The following PSD3 variants were observed in gnomAD, a reference collection of about 807,000 sequenced individuals.
PSD3 encodes PH and SEC7 domain-containing protein 3.
PSD3 carries 49 observed loss-of-function variants against 105.5 expected under a neutral mutation model. The observed-to-expected ratio is 0.46, with a 90% CI of 0.37 to 0.59. PSD3 has a LOEUF of 0.59. Ranked by LOEUF, PSD3 falls within the 20% of genes least tolerant of loss-of-function variation. The pLI is 0.00. For synonymous variants in PSD3, 557 were observed against 457.8 expected (o/e 1.22, Z -2.77); for missense variants, 1,561 against 1,263.8 (o/e 1.24, Z -3.57).
At chr8:18,781,647 C>G (rs1808634646) in intron 8 of PSD3, among the ~76,000 whole-genome samples, 1 of 152,102 alleles carries the variant, frequency 6.6e-6, no homozygotes. Context: ...TTTTCTTGGA[C>G]TTTTAACAGT....
At chr8:18,811,827 C>G (rs1427971641) in intron 4 of PSD3, among the ~76,000 whole-genome samples, 3 of 152,032 alleles carry the variant, frequency 2.0e-5, no homozygotes, top group Admixed American at 2.0e-4. Flanking sequence ...CACATTTTCT[C>G]GACTCAGAGT....
intron 9 of PSD3, chr8:18,730,041 A>G (rs1053006089): frequency 1.3e-5 from 2 of 152,234 alleles, no homozygotes; most frequent in South Asian, 4.1e-4. Context: ...TGAAACAGGA[A>G]TATCATACGG....
At chr8:18,565,955 T>C (rs1486777218) in intron 14 of PSD3, among the ~76,000 whole-genome samples, 1 of 152,058 alleles carries the variant, frequency 6.6e-6, no homozygotes. Flanking sequence ...CGACAAAGAA[T>C]TATCCACACC....
rs62495836 is a variant in PSD3, at chr8:18,725,221, A to G, written c.2172+40228T>C. On this transcript the variant is annotated intron_variant, in intron 9 of 15. Coordinates refer to ENST00000327040, the MANE Select transcript of PSD3 (RefSeq NM_015310.4). ...GGTCTAACGCGACGCAAGCCCCCCA[A>G]GAACTCTTTTATTTTTTAGGAAACT... 4.1e-3 allele frequency among the ~76,000 whole-genome samples: 629 copies of G among 152,290 alleles called. 1 individual carries two copies. The highest frequency in any genetic ancestry group is 7.0e-3 in the Non-Finnish European group (477 of 68,024).
chr8:18,673,978 C>CA (rs1035344807), intron 9 of PSD3, among the ~76,000 whole-genome samples: 5 of 151,940 alleles, frequency 3.3e-5, no homozygotes, highest in African/African-American at 1.2e-4. Context: ...CCTATCTCTA[C>CA]AAAAAAATTA....
Position 19,056,117 on chromosome 8 carries a change from T to A in PSD3, c.324+28089A>T, listed in dbSNP as rs1286929151. ...GACTTTTAATCTCATTGAAATGCGATCACTTGCAGTAACGTCTTCGTGGGA... is the reference window on the plus strand; with the variant it reads ...GACTTTTAATCTCATTGAAATGCGAACACTTGCAGTAACGTCTTCGTGGGA... On this transcript the variant is annotated intron_variant, in intron 1 of 1. Transcript: ENST00000521475. Among the ~76,000 whole-genome samples the A allele has an allele frequency of 2.6e-5, 4 of 152,360 alleles. No individual in the cohort carries two copies. In the East Asian group the frequency reaches 5.8e-4, roughly 22 times the overall value.
chr8:19,022,305 TG>T (rs541015049), intron 1 of PSD3, among the ~76,000 whole-genome samples: 144 of 152,304 alleles, frequency 9.5e-4, no homozygotes, highest in African/African-American at 3.3e-3. Flanking sequence ...CCATATTAAG[TG>T]GGGTCCTCTA....
chr8:18,692,325 CCAATA>C (rs1801015222), intron 9 of PSD3, among the ~76,000 whole-genome samples: 1 of 152,064 alleles, frequency 6.6e-6, no homozygotes. Context: ...AGTAACTGTG[CCAATA>C]CAATGGAAGA....
chr8:19,084,228 G>A (rs1018068723), exon 1 of PSD3: 11 of 442,872 alleles, frequency 2.5e-5, no homozygotes, highest in Admixed American at 9.6e-5. Flanking sequence ...AGTGGCAGGC[G>A]GGGCTGGGCA....
intron 9 of PSD3, among the ~76,000 whole-genome samples, chr8:18,709,130 T>C (rs537293765): frequency 1.3e-5 from 2 of 152,182 alleles, no homozygotes; most frequent in African/African-American, 2.4e-5. Flanking sequence ...GTGGCTGCCA[T>C]CACTGTGGCT....
intron 3 of PSD3, among the ~76,000 whole-genome samples, chr8:18,868,593 G>C (rs1174505501): frequency 2.0e-5 from 3 of 152,134 alleles, no homozygotes; most frequent in Non-Finnish European, 2.9e-5. Context: ...CAGCACTGCA[G>C]AGAGATTTCA....
intron 1 of PSD3, among the ~76,000 whole-genome samples, chr8:18,970,994 A>C (rs1338591965): frequency 6.6e-6 from 1 of 151,726 alleles, no homozygotes; most frequent in Non-Finnish European, 1.5e-5. Context: ...AAAAAAAAAA[A>C]GACAAAAAAT....
rs1816803528 is a variant in PSD3, at chr8:18,865,264, ATATATATATATATATATATATATTTTTTT to A, written c.1634+2381_1634+2409del. The A allele has an allele frequency of 1.2e-3, 4 of 3,434 alleles. No homozygotes were observed. The South Asian group carries it at 0.041, about 35-fold the overall frequency. The allele number at this position is 3,434 out of a possible 1,614,324, so 0.2% of individuals were successfully genotyped here. A position where few individuals can be genotyped will look rare whatever the true frequency, so the allele number is the denominator to read the frequency against. On this transcript the variant is annotated intron_variant, in intron 4 of 15. Transcript: ENST00000327040. ...TATATATATATATATATATATATAT[ATATATATATATATATATATATATTTTTTT>A]TTTTTTTTTTTTTTTTAAAGGCTAT...
chr8:18,654,139 CAT>C (rs765249435), intron 10 of PSD3, among the ~76,000 whole-genome samples: 7 of 150,754 alleles, frequency 4.6e-5, no homozygotes, highest in South Asian at 2.1e-4. Context: ...ACACATAAGC[CAT>C]ATATATATAT....
At chr8:18,925,007 A>G (rs928265315) in intron 2 of PSD3, among the ~76,000 whole-genome samples, 1 of 152,232 alleles carries the variant, frequency 6.6e-6, no homozygotes, top group African/African-American at 2.4e-5. Flanking sequence ...CTTTTGTACT[A>G]TAAATGATGA....
chr8:18,798,000 C>G (rs1250003340), intron 8 of PSD3, among the ~76,000 whole-genome samples: 1 of 152,110 alleles, frequency 6.6e-6, no homozygotes, highest in Admixed American at 6.6e-5. Context: ...CTGTTATCAC[C>G]AAACAGCCAG....
intron 11 of PSD3, among the ~76,000 whole-genome samples, chr8:18,629,466 G>A (rs1056692639): frequency 2.6e-5 from 4 of 151,874 alleles, no homozygotes; most frequent in Non-Finnish European, 5.9e-5. Flanking sequence ...ATGCTCAGCT[G>A]GTGAATCAAT....
chr8:19,029,782 A>G (rs73594686), intron 1 of PSD3, among the ~76,000 whole-genome samples: 17,716 of 152,218 alleles, frequency 0.12, 1,072 homozygotes, highest in Non-Finnish European at 0.14. Flanking sequence ...ATGCTACTGT[A>G]AATGGGATTA....
intron 10 of PSD3, among the ~76,000 whole-genome samples, chr8:18,646,970 G>C (rs755734006): frequency 1.3e-5 from 2 of 152,090 alleles, no homozygotes; most frequent in African/African-American, 4.8e-5. Context: ...GAACAATCAA[G>C]GTACCCACAT....
Sources: gnomAD v4.1 joint callset for allele counts (sites outside exome capture counted in the v4.1 genomes callset) on GRCh38, gnomAD v4.1.1 for gene constraint, MANE v1.5 for transcripts, NCBI Gene and HGNC (gene_info 2026-07-23, HGNC 2026-07-21) for gene names.